Variants in ADK observed in about 807,000 individuals in gnomAD.
ADK encodes the protein N6,N6-dimethyladenosine kinase.
Under a neutral mutation model 44.7 loss-of-function variants are expected in ADK, and 24 were observed. The observed-to-expected ratio is 0.54, with a 90% confidence interval of 0.39 to 0.76. The LOEUF is 0.76. Among genes scored for constraint, ADK ranks in the 30% least tolerant of loss-of-function variants. ADK has a pLI of 0.00. For missense variants in ADK, 321 were observed against 425.1 expected, an observed-to-expected ratio of 0.76 and a Z score of 2.15; for synonymous variants, 128 against 142.6, an observed-to-expected ratio of 0.90 and a Z score of 0.73.
chr10:74,468,666 A>G lies in ADK; in HGVS notation c.556-56590A>G, dbSNP rs187182694. On this transcript the variant is annotated intron_variant, in intron 6 of 10. Coordinates refer to ENST00000539909, the MANE Select transcript of ADK (RefSeq NM_006721.4). ...AGTTCTCCTCTTCTGAAATGGAAAG[A>G]TGAATAGGTTATCTCTAAAGTCTAT... is the stretch of plus-strand genomic sequence containing the variant. Among the ~76,000 whole-genome samples the G allele has an allele frequency of 1.3e-3, 199 of 152,324 alleles. 1 individual carries two copies. Among genetic ancestry groups the G allele is most frequent in the Admixed American group, 3.5e-3 (54 of 15,292 alleles).
chr10:74,676,448 T>C (rs1855394380), intron 10 of ADK, among the ~76,000 whole-genome samples: 1 of 151,998 alleles, frequency 6.6e-6, no homozygotes, highest in South Asian at 2.1e-4. Context: ...TTATTTGGAA[T>C]GATAATAAAG....
intron 5 of ADK, among the ~76,000 whole-genome samples, chr10:74,396,551 A>C (rs1431252873): frequency 6.6e-6 from 1 of 152,102 alleles, no homozygotes; most frequent in Non-Finnish European, 1.5e-5. Flanking sequence ...AACAAAAAAC[A>C]AAACAAAAAA....
intron 9 of ADK, among the ~76,000 whole-genome samples, chr10:74,634,013 C>T (rs1472330479): frequency 2.6e-5 from 4 of 152,162 alleles, no homozygotes; most frequent in Non-Finnish European, 1.5e-5. Context: ...CCCTCAATTA[C>T]GCATATGCAG....
intron 10 of ADK, among the ~76,000 whole-genome samples, chr10:74,698,329 C>T (rs1164860886): frequency 6.6e-6 from 1 of 152,214 alleles, no homozygotes; most frequent in Non-Finnish European, 1.5e-5. Context: ...TGTAATGCCT[C>T]CTATGCCTGC....
intron 5 of ADK, among the ~76,000 whole-genome samples, chr10:74,395,817 G>C (rs963603993): frequency 4.6e-5 from 7 of 152,090 alleles, no homozygotes; most frequent in Non-Finnish European, 8.8e-5. Flanking sequence ...TCAGGAGTTC[G>C]AGACCAGCCT....
chr10:74,543,212 A>AG (rs1344422046), intron 7 of ADK, among the ~76,000 whole-genome samples: 10 of 151,058 alleles, frequency 6.6e-5, no homozygotes, highest in Admixed American at 1.3e-4. Flanking sequence ...TTTCATTTAA[A>AG]AAAAAAAAAA....
At chr10:74,328,599 T>C (rs1476248061) in intron 4 of ADK, among the ~76,000 whole-genome samples, 4 of 152,196 alleles carry the variant, frequency 2.6e-5, no homozygotes, top group Non-Finnish European at 5.9e-5. Flanking sequence ...GTTTCCCCCA[T>C]GCTGTTCTCA....
chr10:74,330,046 T>G (rs971405723), intron 4 of ADK, among the ~76,000 whole-genome samples: 3 of 151,890 alleles, frequency 2.0e-5, no homozygotes, highest in Non-Finnish European at 4.4e-5. Flanking sequence ...TACATGCCTG[T>G]CATCCCAGCT....
chr10:74,624,380 C>A (rs1470982732), intron 9 of ADK, among the ~76,000 whole-genome samples: 1 of 151,946 alleles, frequency 6.6e-6, no homozygotes, highest in African/African-American at 2.4e-5. Flanking sequence ...TTAAACCTTT[C>A]TGTGTTTTTA....
At chr10:74,354,971 A>C (rs1213929435) in intron 4 of ADK, among the ~76,000 whole-genome samples, 1 of 152,152 alleles carries the variant, frequency 6.6e-6, no homozygotes, top group African/African-American at 2.4e-5. Flanking sequence ...ATATCAGTAA[A>C]ACTTCATTAC....
intron 7 of ADK, among the ~76,000 whole-genome samples, chr10:74,533,222 A>G (rs1027522891): frequency 1.3e-5 from 2 of 152,178 alleles, no homozygotes; most frequent in Admixed American, 1.3e-4. Context: ...TATAAATTCT[A>G]CTCAAAATAA....
chr10:74,595,677 C>A (rs184318474), intron 8 of ADK, among the ~76,000 whole-genome samples: 129,126 of 129,138 alleles, frequency 1, 64,557 homozygotes, highest in Middle Eastern at 1. Context: ...CGCCCATCGC[C>A]ATATCAGTTC....
chr10:74,665,385 C>T (rs1356976758), intron 9 of ADK, among the ~76,000 whole-genome samples: 1 of 152,076 alleles, frequency 6.6e-6, no homozygotes, highest in Non-Finnish European at 1.5e-5. Context: ...CTGTTTCTTC[C>T]ATGCCTATTG....
chr10:74,608,057 C>T (rs201284122), intron 9 of ADK, among the ~76,000 whole-genome samples: 1 of 151,446 alleles, frequency 6.6e-6, no homozygotes, highest in Non-Finnish European at 1.5e-5. Flanking sequence ...ACGAAGTGTT[C>T]GTTCTGTGTT....
chr10:74,495,716 C>T (rs1423893425), intron 6 of ADK, among the ~76,000 whole-genome samples: 3 of 152,120 alleles, frequency 2.0e-5, no homozygotes, highest in African/African-American at 4.8e-5. Flanking sequence ...TCCTAGCCTA[C>T]CTTCCCTCCA....
intron 10 of ADK, among the ~76,000 whole-genome samples, chr10:74,681,461 G>T (rs546688521): frequency 3.3e-5 from 5 of 152,170 alleles, no homozygotes; most frequent in African/African-American, 1.2e-4. Flanking sequence ...AAGATGAGTT[G>T]TCCAAGGGAG....
At chr10:74,606,494 C>T (rs1852328776) in intron 9 of ADK, among the ~76,000 whole-genome samples, 2 of 152,000 alleles carry the variant, frequency 1.3e-5, no homozygotes, top group Non-Finnish European at 2.9e-5. Flanking sequence ...CATTATTTAC[C>T]CAGTAGTCAT....
At chr10:74,500,158 C>T (rs1045878886) in intron 6 of ADK, among the ~76,000 whole-genome samples, 1 of 152,240 alleles carries the variant, frequency 6.6e-6, no homozygotes, top group East Asian at 1.9e-4. Flanking sequence ...CCATAGTGGC[C>T]GGGAAACTAA....
chr10:74,659,845 G>A (rs1402574723), intron 9 of ADK, among the ~76,000 whole-genome samples: 1 of 152,004 alleles, frequency 6.6e-6, no homozygotes, highest in Admixed American at 6.6e-5. Context: ...CTGATTAGAT[G>A]GTGCCCACCA....
Sources: gnomAD v4.1 joint callset for allele counts (sites outside exome capture counted in the v4.1 genomes callset) on GRCh38, gnomAD v4.1.1 for gene constraint, MANE v1.5 for transcripts, NCBI Gene and HGNC (gene_info 2026-07-23, HGNC 2026-07-21) for gene names.